CASZ1: variants seen among roughly 807,000 people sequenced by gnomAD.
CASZ1 encodes the protein zinc finger protein castor homolog 1.
Under a neutral mutation model 135.2 loss-of-function variants are expected in CASZ1, and 28 were observed. The ratio of observed to expected loss-of-function variants is 0.21; its 90% CI spans 0.15 to 0.28. The LOEUF is 0.28. Among genes scored for constraint, CASZ1 ranks in the 10% least tolerant of loss-of-function variants. The pLI is 1.00. For synonymous variants in CASZ1, 1,068 were observed against 1,073.4 expected, an observed-to-expected ratio of 0.99 and a Z score of 0.10; for missense variants, 2,161 against 2,453.3, an observed-to-expected ratio of 0.88 and a Z score of 2.52.
intron 4 of CASZ1, among the ~76,000 whole-genome samples, chr1:10,669,844 G>A (rs1475078470): frequency 1.3e-5 from 2 of 152,176 alleles, no homozygotes; most frequent in Non-Finnish European, 2.9e-5. Flanking sequence ...TTCTGGGGCC[G>A]GGCTGCCTGT....
At chr1:10,671,309 C>G (rs114336955) in intron 4 of CASZ1, among the ~76,000 whole-genome samples, 1 of 152,172 alleles carries the variant, frequency 6.6e-6, no homozygotes, top group African/African-American at 2.4e-5. Context: ...GCGCACAGAC[C>G]GCGTGCATGC....
At chr1:10,673,712 C>T (rs1347591116) in intron 4 of CASZ1, among the ~76,000 whole-genome samples, 3 of 152,230 alleles carry the variant, frequency 2.0e-5, no homozygotes, top group Non-Finnish European at 4.4e-5. Flanking sequence ...GGGGCTCTCA[C>T]CTCCAGCTCT....
rs996793223 is a variant in CASZ1 at position 10,697,248 on chromosome 1, C to T, written c.-23-3336G>A. Reference sequence around the variant, plus strand: ...GGGGCCCCCAGATTATGCGCCCCCCCCTTCTCTCTCTTTCTCTCTGAGTGT... The same window carrying T: ...GGGGCCCCCAGATTATGCGCCCCCCTCTTCTCTCTCTTTCTCTCTGAGTGT... On this transcript the variant is annotated intron_variant, in intron 3 of 20. Transcript: ENST00000377022. This position sits in a 1 kb window ranked among gnomAD's most constrained non-coding sequence, Gnocchi z 4.7. Among the ~76,000 whole-genome samples, 5 of 152,016 alleles carry T rather than the reference C, an allele frequency of 3.3e-5. No homozygotes were observed. Among genetic ancestry groups the T allele is most frequent in the East Asian group, 3.9e-4 (2 of 5,194 alleles).
intron 3 of CASZ1, among the ~76,000 whole-genome samples, chr1:10,702,297 C>T (rs1169284609): frequency 3.0e-4 from 45 of 152,294 alleles, no homozygotes; most frequent in Non-Finnish European, 1.5e-5. Flanking sequence ...AGGAGCGCGC[C>T]CAGCTTCCAG....
intron 4 of CASZ1, among the ~76,000 whole-genome samples, chr1:10,678,194 G>A (rs114817050): frequency 0.048 from 7,379 of 152,264 alleles, 234 homozygotes; most frequent in Middle Eastern, 0.12. Flanking sequence ...CACACCACCC[G>A]CCCTCCCTGC....
At chr1:10,795,271 C>T (rs935961377) in intron 1 of CASZ1, among the ~76,000 whole-genome samples, 1 of 152,168 alleles carries the variant, frequency 6.6e-6, no homozygotes, top group East Asian at 1.9e-4. Flanking sequence ...TCTCCTTTGC[C>T]GTTAAGCCGG....
chr1:10,721,049 G>T lies in CASZ1; in HGVS notation c.-76-15505C>A, dbSNP rs1299462253. Among the ~76,000 whole-genome samples the T allele has an allele frequency of 6.6e-6, 1 of 152,186 alleles. No individual in the cohort carries two copies. The highest frequency in any genetic ancestry group is 2.4e-5 in the African/African-American group (1 of 41,452). On this transcript the variant is annotated intron_variant, in intron 2 of 20. Coordinates refer to ENST00000377022, the MANE Select transcript of CASZ1 (RefSeq NM_001079843.3). This position sits in a 1 kb window ranked among gnomAD's most constrained non-coding sequence, Gnocchi z 5.4. The stretch of plus-strand genomic sequence containing the variant: ...ATCCTGCCTCCTCGCCCGTAACTCT[G>T]GTGGGGGTCCCTTTTGTACAGGAGC...
At position 10,767,509 on chromosome 1, in the gene CASZ1, G is replaced by A. The variant is rs868183307; in HGVS notation, c.-233-6652C>T. ...TTGCAAAGCCAGGCCCAGGGAGGCC[G>A]GGAAGCAGAGAGCCGGAGGAGTCAG... On this transcript the variant is annotated intron_variant, in intron 1 of 20. Coordinates refer to ENST00000377022, the MANE Select transcript of CASZ1 (RefSeq NM_001079843.3). The surrounding 1 kb of genome is among the most constrained non-coding windows in gnomAD (Gnocchi z 4.2). Among the ~76,000 whole-genome samples, 7 of 152,298 alleles carry A rather than the reference G, an allele frequency of 4.6e-5. No homozygotes were observed. Among genetic ancestry groups the A allele is most frequent in the Admixed American group, 6.5e-5 (1 of 15,300 alleles).
At chr1:10,642,608 G>C (rs958956983) in intron 20 of CASZ1, among the ~76,000 whole-genome samples, 1 of 152,098 alleles carries the variant, frequency 6.6e-6, no homozygotes, top group African/African-American at 2.4e-5. Context: ...CGCTGCTCCC[G>C]CTGTGGCTCA....
chr1:10,669,646 C>A (rs1202691372), intron 4 of CASZ1, among the ~76,000 whole-genome samples: 2 of 152,212 alleles, frequency 1.3e-5, no homozygotes, highest in East Asian at 1.9e-4. Flanking sequence ...AGGTAGCCTG[C>A]TCACCTGGTC....
At chr1:10,702,930 C>T (rs1046599329) in intron 3 of CASZ1, among the ~76,000 whole-genome samples, 3 of 150,604 alleles carry the variant, frequency 2.0e-5, no homozygotes, top group African/African-American at 7.4e-5. Flanking sequence ...GTAAAGCCTT[C>T]CGAGTAGATG....
chr1:10,771,990 G>A (rs1275298369), intron 1 of CASZ1, among the ~76,000 whole-genome samples: 1 of 152,166 alleles, frequency 6.6e-6, no homozygotes, highest in Admixed American at 6.5e-5. Flanking sequence ...TCTGTGCCCT[G>A]ATCTCAGCAA....
Position 10,756,739 on chromosome 1 carries a change from C to A in CASZ1, c.-77+3962G>T, listed in dbSNP as rs777785504. Among the ~76,000 whole-genome samples the A allele has an allele frequency of 6.6e-6, 1 of 152,176 alleles. No homozygotes were observed. Among genetic ancestry groups the A allele is most frequent in the Non-Finnish European group, 1.5e-5 (1 of 68,024 alleles). On this transcript the variant is annotated intron_variant, in intron 2 of 20. Coordinates refer to ENST00000377022, the MANE Select transcript of CASZ1 (RefSeq NM_001079843.3). The surrounding 1 kb of genome is among the most constrained non-coding windows in gnomAD (Gnocchi z 5.9). ...TTGTGTGTGGCGACACTATTAGGAT[C>A]CCTGCCGATGAGCAGATGAGCAGCG...
intron 4 of CASZ1, among the ~76,000 whole-genome samples, chr1:10,677,825 C>T (rs1638274114): frequency 6.6e-6 from 1 of 152,222 alleles, no homozygotes; most frequent in African/African-American, 2.4e-5. Flanking sequence ...CCCCCTGCTG[C>T]GGAGGATTTG....
intron 2 of CASZ1, among the ~76,000 whole-genome samples, chr1:10,760,067 A>G (rs1640343300): frequency 1.3e-5 from 2 of 152,198 alleles, no homozygotes; most frequent in Non-Finnish European, 2.9e-5. Flanking sequence ...CCTCCCTGGC[A>G]TGAGTGACCT....
intron 2 of CASZ1, among the ~76,000 whole-genome samples, chr1:10,714,296 A>G (rs939628415): frequency 6.6e-6 from 1 of 152,194 alleles, no homozygotes; most frequent in African/African-American, 2.4e-5. Flanking sequence ...CAACAGAACA[A>G]GACTCCATCT....
At chr1:10,650,122 C>A (rs950156710) in intron 13 of CASZ1, 2 of 152,498 alleles carry the variant, frequency 1.3e-5, no homozygotes, top group African/African-American at 4.8e-5. Flanking sequence ...CCCGGCCCCT[C>A]CTCAGGGCAG....
intron 2 of CASZ1, among the ~76,000 whole-genome samples, chr1:10,736,256 C>A (rs1018512251): frequency 1.3e-5 from 2 of 152,212 alleles, no homozygotes; most frequent in African/African-American, 4.8e-5. Context: ...CCCTCACACT[C>A]CTGGTCCCCA....
intron 4 of CASZ1, among the ~76,000 whole-genome samples, chr1:10,678,500 G>A: frequency 7.9e-6 from 1 of 126,406 alleles, no homozygotes; most frequent in East Asian, 1.9e-4. Flanking sequence ...CCCCCGCGAG[G>A]GGGCCCGAGG....
Sources: allele counts gnomAD v4.1 joint callset (sites outside exome capture counted in the v4.1 genomes callset), GRCh38; gene constraint gnomAD v4.1.1; non-coding constraint Gnocchi (gnomAD v3.1); transcripts MANE v1.5; gene names NCBI Gene and HGNC (gene_info 2026-07-23, HGNC 2026-07-21).